The following COLEC10 variants were observed in gnomAD, a reference collection of about 807,000 sequenced individuals.
COLEC10 encodes collectin subfamily member 10.
In COLEC10, 22 loss-of-function variants were observed where a neutral mutation model predicts 28.4. That is an observed-to-expected ratio of 0.78 (90% confidence interval 0.55 to 1.11). The LOEUF (loss-of-function observed/expected upper bound fraction) is 1.11, where lower values mean the gene tolerates loss of function less well. Ranked by LOEUF, COLEC10 falls within the 50% of genes least tolerant of loss-of-function variation. The pLI, the probability that COLEC10 is intolerant of heterozygous loss-of-function variation, is 0.00. For synonymous variants in COLEC10, 125 were observed against 116.1 expected, an observed-to-expected ratio of 1.08 and a Z score of -0.49; for missense variants, 361 against 344.1, an observed-to-expected ratio of 1.05 and a Z score of -0.39.
At chr8:119,061,116 G>T (rs2130195862) in intron 2 of COLEC10, among the ~76,000 whole-genome samples, 1 of 152,080 alleles carries the variant, frequency 6.6e-6, no homozygotes, top group South Asian at 2.1e-4. Flanking sequence ...AACTATAAAG[G>T]ATGTGTGTAT....
At chr8:118,975,668 C>G in the COLEC10 span, among the ~76,000 whole-genome samples, 7 of 152,066 alleles carry the variant, frequency 4.6e-5, 1 homozygote, top group African/African-American at 1.7e-4. Flanking sequence ...CTTGCCTTCT[C>G]TCTATTAGAG....
chr8:119,043,412 C>T (rs992765494), intron 2 of COLEC10, among the ~76,000 whole-genome samples: 4 of 152,132 alleles, frequency 2.6e-5, no homozygotes, highest in African/African-American at 7.2e-5. Context: ...CCAAGAGCAA[C>T]CAGACAGCGT....
the COLEC10 span, among the ~76,000 whole-genome samples, chr8:118,962,294 C>T: frequency 1.3e-5 from 2 of 152,158 alleles, no homozygotes; most frequent in African/African-American, 4.8e-5. Flanking sequence ...ATAGTGTTCT[C>T]CTCTGAAACT....
intron 1 of COLEC10, among the ~76,000 whole-genome samples, chr8:119,075,177 A>G (rs1815202824): frequency 6.6e-6 from 1 of 152,228 alleles, no homozygotes; most frequent in African/African-American, 2.4e-5. Flanking sequence ...TAGGCCAGGC[A>G]CAAATTCTCT....
intron 3 of COLEC10, among the ~76,000 whole-genome samples, chr8:119,094,214 G>A (rs1243772005): frequency 6.6e-6 from 1 of 152,044 alleles, no homozygotes; most frequent in Non-Finnish European, 1.5e-5. Flanking sequence ...TGGAAAAGAA[G>A]CAATGTTTGA....
chr8:119,093,868 C>T (rs1326283985), intron 3 of COLEC10, among the ~76,000 whole-genome samples: 1 of 152,142 alleles, frequency 6.6e-6, no homozygotes, highest in Non-Finnish European at 1.5e-5. Flanking sequence ...ATTGAAAATG[C>T]ACAGGTTAAG....
At chr8:118,983,823 AT>A in the COLEC10 span, among the ~76,000 whole-genome samples, 1 of 152,124 alleles carries the variant, frequency 6.6e-6, no homozygotes, top group Non-Finnish European at 1.5e-5. Context: ...TTGTTAAAAA[AT>A]AAAAAAATAA....
chr8:119,008,480 A>ATTT (rs5894470), intron 1 of COLEC10, among the ~76,000 whole-genome samples: 11,678 of 145,378 alleles, frequency 0.08, 619 homozygotes, highest in South Asian at 0.11. Flanking sequence ...TTTACTTTTT[A>ATTT]TTTTTTTTTT....
At chr8:118,977,780 TAA>T in the COLEC10 span, among the ~76,000 whole-genome samples, 101 of 148,894 alleles carry the variant, frequency 6.8e-4, no homozygotes, top group African/African-American at 2.5e-3. Flanking sequence ...AATAATCAAC[TAA>T]AAAAAATATA....
chr8:118,962,889 C>T, the COLEC10 span, among the ~76,000 whole-genome samples: 1 of 152,136 alleles, frequency 6.6e-6, no homozygotes, highest in Non-Finnish European at 1.5e-5. Flanking sequence ...ACTGGCTTAC[C>T]CAAATTCATT....
At chr8:119,098,319 C>T (rs569410365) in intron 3 of COLEC10, among the ~76,000 whole-genome samples, 1 of 152,134 alleles carries the variant, frequency 6.6e-6, no homozygotes, top group African/African-American at 2.4e-5. Context: ...ATTAGCTGAG[C>T]CCCAAAGTGG....
intron 2 of COLEC10, among the ~76,000 whole-genome samples, chr8:119,039,438 A>G (rs753650801): frequency 3.3e-5 from 5 of 152,142 alleles, no homozygotes; most frequent in Non-Finnish European, 5.9e-5. Flanking sequence ...GAGGAACTAC[A>G]TCTGTCTGAT....
chr8:119,012,013 G>A (rs1279250195), intron 2 of COLEC10, among the ~76,000 whole-genome samples: 1 of 150,752 alleles, frequency 6.6e-6, no homozygotes, highest in African/African-American at 2.5e-5. Context: ...AAAAGAGGTA[G>A]TGAGAGAGGA....
At chr8:119,058,076 T>C (rs1204666140) in intron 2 of COLEC10, among the ~76,000 whole-genome samples, 1 of 152,064 alleles carries the variant, frequency 6.6e-6, no homozygotes, top group Admixed American at 6.6e-5. Flanking sequence ...TCAGGGCATA[T>C]AGAGCTAGAA....
chr8:119,065,409 G>A (rs932734450), upstream of COLEC10, among the ~76,000 whole-genome samples: 1 of 152,120 alleles, frequency 6.6e-6, no homozygotes, highest in Non-Finnish European at 1.5e-5. Context: ...AATGCCTGAT[G>A]ATCTGCCACT....
intron 2 of COLEC10, among the ~76,000 whole-genome samples, chr8:119,018,296 CT>C (rs1255703804): frequency 1.3e-5 from 2 of 152,158 alleles, no homozygotes; most frequent in Non-Finnish European, 2.9e-5. Flanking sequence ...TCACTGACTC[CT>C]TTTTCTGTGT....
At chr8:119,050,711 GT>G (rs1488508849) in intron 2 of COLEC10, among the ~76,000 whole-genome samples, 1 of 152,092 alleles carries the variant, frequency 6.6e-6, no homozygotes, top group African/African-American at 2.4e-5. Flanking sequence ...CCACATCTTG[GT>G]TACTGATGCA....
At chr8:119,104,002 G>T (rs1287773195) in intron 5 of COLEC10, 107 bp downstream of exon 5, 1 of 806,514 alleles carries the variant, frequency 1.2e-6, no homozygotes. Context: ...AAGGGCTATT[G>T]AGATAGTGTC....
At chr8:119,096,896 C>A (rs1396098650) in intron 3 of COLEC10, among the ~76,000 whole-genome samples, 3 of 151,834 alleles carry the variant, frequency 2.0e-5, no homozygotes, top group Non-Finnish European at 4.4e-5. Context: ...GGTAAGGATG[C>A]AGAACAACTG....
Sources: gnomAD v4.1 joint callset for allele counts (sites outside exome capture counted in the v4.1 genomes callset) on GRCh38, gnomAD v4.1.1 for gene constraint, MANE v1.5 for transcripts, NCBI Gene and HGNC (gene_info 2026-07-23, HGNC 2026-07-21) for gene names.